The following AMD1 variants were observed in gnomAD, a reference collection of about 807,000 sequenced individuals.
The protein encoded by AMD1 is adenosylmethionine decarboxylase 1.
Under a neutral mutation model 40.2 loss-of-function variants are expected in AMD1, and 11 were observed. That is an observed-to-expected ratio of 0.27 (90% CI 0.17 to 0.45). AMD1 has a LOEUF of 0.45. Among genes scored for constraint, AMD1 ranks in the 20% least tolerant of loss-of-function variants. The pLI, the probability that AMD1 is intolerant of heterozygous loss-of-function variation, is 1.00. For synonymous variants in AMD1, 121 were observed against 130.8 expected (o/e 0.93, Z 0.51); for missense variants, 257 against 410.2 (o/e 0.63, Z 3.23).
the AMD1 span, chr6:110,858,931 TG>T: frequency 1.0e-6 from 1 of 960,548 alleles, no homozygotes; most frequent in Non-Finnish European, 1.7e-6. Flanking sequence ...GACACCAAGC[TG>T]GGAACCGACA....
the AMD1 span, among the ~76,000 whole-genome samples, chr6:110,827,636 G>A: frequency 0.033 from 5,076 of 152,048 alleles, 105 homozygotes; most frequent in South Asian, 0.084. Flanking sequence ...GTGGTGGGGG[G>A]CACCTGTAGT....
chr6:110,869,291 C>T, the AMD1 span, among the ~76,000 whole-genome samples: 3,380 of 151,710 alleles, frequency 0.022, 56 homozygotes, highest in Middle Eastern at 0.044. Context: ...CCACCGCGCC[C>T]GGCTAATTTT....
At chr6:110,875,486 C>A (rs183071720) in intron 1 of AMD1, 1 of 352,028 alleles carries the variant, frequency 2.8e-6, no homozygotes, top group Non-Finnish European at 5.1e-6. Context: ...GCTCAGGTAA[C>A]GTCCCGCGCT....
At chr6:110,840,942 A>G in the AMD1 span, among the ~76,000 whole-genome samples, 4 of 152,202 alleles carry the variant, frequency 2.6e-5, no homozygotes, top group African/African-American at 9.6e-5. Context: ...TCATTATACC[A>G]CAGGCACTGT....
At chr6:110,866,251 A>G in the AMD1 span, among the ~76,000 whole-genome samples, 1 of 152,208 alleles carries the variant, frequency 6.6e-6, no homozygotes, top group Non-Finnish European at 1.5e-5. Context: ...AATTTCCATA[A>G]AATAATGGAA....
chr6:110,845,993 G>A, the AMD1 span, among the ~76,000 whole-genome samples: 1 of 152,188 alleles, frequency 6.6e-6, no homozygotes, highest in African/African-American at 2.4e-5. Flanking sequence ...TGTAATCCCA[G>A]CACTTTGGGA....
At chr6:110,815,406 T>G in the AMD1 span, 11 of 299,964 alleles carry the variant, frequency 3.7e-5, no homozygotes, top group Non-Finnish European at 5.5e-5. Flanking sequence ...CCCTCCTTCA[T>G]TTCCTTGTTT....
At position 110,888,723 on chromosome 6, in the gene AMD1, T is replaced by C. The variant is rs537742375; in HGVS notation, c.198-134T>C. ...GTATACTAGAAAAGGAAAAGAATAATGTGTTACTTGCTTCCTTGAGATCCT... is the reference window on the plus strand; with the variant it reads ...GTATACTAGAAAAGGAAAAGAATAACGTGTTACTTGCTTCCTTGAGATCCT... On this transcript the variant is annotated intron_variant, in intron 2 of 8. Transcript: ENST00000368885. The C allele has an allele frequency of 2.8e-5, 23 of 809,422 alleles. No homozygotes were observed. The Admixed American group carries it at 3.1e-4, about 11-fold the overall frequency. The allele number at this position is 809,422 out of a possible 1,614,324, so 50.1% of individuals were successfully genotyped here. A position where few individuals can be genotyped will look rare whatever the true frequency, so the allele number is the denominator to read the frequency against.
the AMD1 span, among the ~76,000 whole-genome samples, chr6:110,824,715 A>G: frequency 6.6e-6 from 1 of 152,308 alleles, no homozygotes; most frequent in East Asian, 1.9e-4. Context: ...AAGAGCATAA[A>G]GTTTTTGGTA....
At chr6:110,866,918 A>G in the AMD1 span, among the ~76,000 whole-genome samples, 1 of 151,768 alleles carries the variant, frequency 6.6e-6, no homozygotes, top group Non-Finnish European at 1.5e-5. Context: ...GGTTCAAGCT[A>G]GTCTCCTGCC....
the AMD1 span, among the ~76,000 whole-genome samples, chr6:110,828,094 A>G: frequency 6.6e-6 from 1 of 152,166 alleles, no homozygotes; most frequent in Admixed American, 6.6e-5. Context: ...TTTAATTTTT[A>G]TTCAGAAAAG....
At chr6:110,859,409 TG>T in the AMD1 span, among the ~76,000 whole-genome samples, 2 of 152,032 alleles carry the variant, frequency 1.3e-5, no homozygotes, top group Admixed American at 6.5e-5. Flanking sequence ...GTCCAGGCTG[TG>T]GGCCGAGCAG....
the AMD1 span, among the ~76,000 whole-genome samples, chr6:110,838,363 T>G: frequency 6.7e-6 from 1 of 150,306 alleles, no homozygotes; most frequent in Non-Finnish European, 1.5e-5. Flanking sequence ...CATTCCAGCT[T>G]GGGCAAGAGT....
At position 110,895,465 on chromosome 6, in the gene AMD1, G is replaced by T. The variant is rs887879975; in HGVS notation, c.*1849G>T. On this transcript the variant is annotated 3_prime_UTR_variant, in exon 9 of 9. Coordinates refer to ENST00000368885, the MANE Select transcript of AMD1 (RefSeq NM_001634.6). ...TTTGGTTTTGTTTTTGTTTTGTTTT[G>T]TTTTGTTTTGTTTCCAATAGAATTA... 1.3e-5 allele frequency: 2 copies of T among 152,362 alleles called. No individual in the cohort carries two copies. Among genetic ancestry groups the T allele is most frequent in the African/African-American group, 4.8e-5 (2 of 41,376 alleles). The allele number at this position is 152,362 out of a possible 1,614,324, so 9.4% of individuals were successfully genotyped here.
the AMD1 span, among the ~76,000 whole-genome samples, chr6:110,826,165 T>TAAA: frequency 2.1e-5 from 2 of 94,328 alleles, no homozygotes; most frequent in African/African-American, 8.0e-5. Context: ...CCTGTCTCAT[T>TAAA]AAAAAAAAAA....
the AMD1 span, chr6:110,858,357 G>C: frequency 4.9e-6 from 4 of 811,946 alleles, no homozygotes; most frequent in Admixed American, 1.8e-5. Context: ...TGGATCGAGG[G>C]ACTCACCAGC....
At chr6:110,877,033 C>A (rs1785151391) in intron 1 of AMD1, among the ~76,000 whole-genome samples, 1 of 152,168 alleles carries the variant, frequency 6.6e-6, no homozygotes. Flanking sequence ...TACAAAGCAG[C>A]CTGCTTTCTT....
chr6:110,837,751 T>TATATATATAA, the AMD1 span, among the ~76,000 whole-genome samples: 3 of 101,594 alleles, frequency 3.0e-5, no homozygotes, highest in African/African-American at 7.8e-5. Flanking sequence ...AAAAAATATA[T>TATATATATAA]ATATATATAT....
rs193131312 is a variant in AMD1 at position 110,878,656 on chromosome 6, T to A, written c.110+3441T>A. On this transcript the variant is annotated intron_variant, in intron 1 of 8. Coordinates refer to ENST00000368885, the MANE Select transcript of AMD1 (RefSeq NM_001634.6). ...GACCATTTAAAAAATGGTTTAGTTG[T>A]TGGATCAAAGTGCTGTAACAAACAA... Among the ~76,000 whole-genome samples the A allele has an allele frequency of 3.2e-4, 48 of 152,298 alleles. 1 individual carries two copies. Among genetic ancestry groups the A allele is most frequent in the African/African-American group, 1.1e-3 (47 of 41,576 alleles).
Sources: allele counts gnomAD v4.1 joint callset (sites outside exome capture counted in the v4.1 genomes callset), GRCh38; gene constraint gnomAD v4.1.1; transcripts MANE v1.5; gene names NCBI Gene and HGNC (gene_info 2026-07-23, HGNC 2026-07-21).